Variants in FRMD6 observed in about 807,000 individuals in gnomAD.
FRMD6 encodes the protein FERM domain-containing protein 6.
FRMD6 carries 37 observed loss-of-function variants against 73.2 expected under a neutral mutation model. That is an observed-to-expected ratio of 0.51 (90% confidence interval 0.39 to 0.66). The LOEUF (loss-of-function observed/expected upper bound fraction) is 0.66, where lower values mean the gene tolerates loss of function less well. FRMD6 is among the 30% of genes least tolerant of loss of function. FRMD6 has a pLI of 0.00. For synonymous variants in FRMD6, 273 were observed against 282.2 expected (o/e 0.97, Z 0.33); for missense variants, 714 against 780.5 (o/e 0.91, Z 1.02).
chr14:51,399,780 A>G, the FRMD6 span, among the ~76,000 whole-genome samples: 1 of 152,182 alleles, frequency 6.6e-6, no homozygotes, highest in Non-Finnish European at 1.5e-5. Flanking sequence ...CATAGAATAA[A>G]CTTTAGACCA....
At chr14:51,415,709 G>A in the FRMD6 span, among the ~76,000 whole-genome samples, 1 of 152,048 alleles carries the variant, frequency 6.6e-6, no homozygotes, top group African/African-American at 2.4e-5. Flanking sequence ...TATTGATTGG[G>A]ATAGTTTCAG....
rs1898058294 is a variant in FRMD6, at chr14:51,727,753, T to G, written c.1593T>G (p.Cys531Trp). Reference protein sequence around the residue: ...QSTDSLPQTICRKPKTSTDRH... With the variant: ...QSTDSLPQTIWRKPKTSTDRH... ...CTTCCCTTATCTTGCAGACTATATG[T>G]CGGAAACCAAAGACCTCCACTGATC... The change falls in exon 14 of 14, where the codon TGT becomes TGG. Residue 531 changes from cysteine (C) to tryptophan (W), a missense_variant. Coordinates refer to ENST00000344768, the MANE Select transcript of FRMD6 (RefSeq NM_001267046.2). 1.3e-6 allele frequency: 2 copies of G among 1,598,218 alleles called. No individual in the cohort carries two copies. The highest frequency in any genetic ancestry group is 1.7e-6 in the Non-Finnish European group (2 of 1,166,894).
the FRMD6 span, among the ~76,000 whole-genome samples, chr14:51,480,794 C>G: frequency 3.3e-5 from 5 of 152,116 alleles, no homozygotes; most frequent in Non-Finnish European, 7.4e-5. Context: ...CTACTACATG[C>G]TAGGTGCTTA....
intron 1 of FRMD6, among the ~76,000 whole-genome samples, chr14:51,536,826 A>G (rs1019019212): frequency 6.6e-6 from 1 of 152,226 alleles, no homozygotes; most frequent in Admixed American, 6.5e-5. Flanking sequence ...GTGGAGTGAT[A>G]TGGATAATGG....
intron 1 of FRMD6, among the ~76,000 whole-genome samples, chr14:51,558,950 C>G (rs895661693): frequency 6.6e-6 from 1 of 152,182 alleles, no homozygotes; most frequent in East Asian, 1.9e-4. Context: ...AACCCTATAG[C>G]TTTGCTTTTA....
the FRMD6 span, among the ~76,000 whole-genome samples, chr14:51,399,246 C>G: frequency 6.6e-6 from 1 of 152,178 alleles, no homozygotes; most frequent in African/African-American, 2.4e-5. Flanking sequence ...TCCTCCCCGT[C>G]TATCTTTATG....
chr14:51,494,375 T>C (rs532310174), intron 1 of FRMD6, among the ~76,000 whole-genome samples: 28 of 152,296 alleles, frequency 1.8e-4, no homozygotes, highest in African/African-American at 6.5e-4. Flanking sequence ...AGGCTTAGAA[T>C]GGACATTCCC....
At chr14:51,507,860 G>C (rs903410378) in intron 1 of FRMD6, among the ~76,000 whole-genome samples, 12 of 152,286 alleles carry the variant, frequency 7.9e-5, no homozygotes, top group South Asian at 4.2e-4. Flanking sequence ...AAACCCACAG[G>C]ATGGCTTGAT....
At position 51,708,068 on chromosome 14, in the gene FRMD6, A is replaced by G. The variant is rs201514690; in HGVS notation, c.559-10A>G. 2.5e-6 allele frequency: 4 copies of G among 1,612,714 alleles called. No individual in the cohort carries two copies. The highest frequency in any genetic ancestry group is 3.4e-6 in the Non-Finnish European group (4 of 1,179,112). ...AAATGTTGCATTGCACACCCCTTGTATCCCAACAGGTTGTTTCCAAGAGGG... is the reference window on the plus strand; with the variant it reads ...AAATGTTGCATTGCACACCCCTTGTGTCCCAACAGGTTGTTTCCAAGAGGG... On this transcript the variant is annotated splice_polypyrimidine_tract_variant and intron_variant, in intron 6 of 13. Coordinates refer to ENST00000344768, the MANE Select transcript of FRMD6 (RefSeq NM_001267046.2).
At chr14:51,468,845 G>A in the FRMD6 span, among the ~76,000 whole-genome samples, 2 of 152,164 alleles carry the variant, frequency 1.3e-5, no homozygotes, top group East Asian at 3.9e-4. Flanking sequence ...TAAATTTTGC[G>A]AATGCTTTTT....
the FRMD6 span, among the ~76,000 whole-genome samples, chr14:51,418,459 C>G: frequency 6.6e-6 from 1 of 152,150 alleles, no homozygotes; most frequent in Non-Finnish European, 1.5e-5. Context: ...TACTCCAGAC[C>G]CTATTTGCCT....
chr14:51,657,833 A>G (rs1892945003), intron 1 of FRMD6, among the ~76,000 whole-genome samples: 1 of 152,232 alleles, frequency 6.6e-6, no homozygotes, highest in South Asian at 2.1e-4. Context: ...ACTAGATATC[A>G]CCAGATTTCA....
At chr14:51,504,992 C>T (rs779264804) in intron 1 of FRMD6, among the ~76,000 whole-genome samples, 4 of 152,178 alleles carry the variant, frequency 2.6e-5, no homozygotes, top group Non-Finnish European at 5.9e-5. Flanking sequence ...ACATCTGGCC[C>T]TTGGGAAAGA....
chr14:51,676,470 A>G (rs776072307), intron 1 of FRMD6, among the ~76,000 whole-genome samples: 105 of 152,200 alleles, frequency 6.9e-4, no homozygotes, highest in Non-Finnish European at 1.3e-3. Context: ...TATGTGGTAC[A>G]TGGTGGTTAC....
chr14:51,403,966 A>C, the FRMD6 span, among the ~76,000 whole-genome samples: 2 of 152,292 alleles, frequency 1.3e-5, no homozygotes, highest in African/African-American at 4.8e-5. Flanking sequence ...TGAATCTCCA[A>C]ATTTATTAGA....
At chr14:51,497,069 G>A (rs1045373642) in intron 1 of FRMD6, among the ~76,000 whole-genome samples, 7 of 152,122 alleles carry the variant, frequency 4.6e-5, no homozygotes, top group Non-Finnish European at 8.8e-5. Context: ...TCAAAAAGGA[G>A]GGTAATGGAG....
chr14:51,594,310 A>ATT (rs758106854), intron 2 of FRMD6, among the ~76,000 whole-genome samples: 15 of 65,458 alleles, frequency 2.3e-4, no homozygotes, highest in African/African-American at 5.5e-4. Context: ...TTTTATTTTT[A>ATT]TTTATTTATT....
chr14:51,416,074 T>C, the FRMD6 span, among the ~76,000 whole-genome samples: 1 of 152,244 alleles, frequency 6.6e-6, no homozygotes, highest in Non-Finnish European at 1.5e-5. Context: ...TAGTAATCTA[T>C]CAATTTTGTT....
chr14:51,607,535 A>C (rs114665729), intron 2 of FRMD6, among the ~76,000 whole-genome samples: 2,049 of 152,308 alleles, frequency 0.013, 39 homozygotes, highest in African/African-American at 0.047. Context: ...CATGATTGCC[A>C]TGTAAGTAAT....
Sources: allele counts gnomAD v4.1 joint callset (sites outside exome capture counted in the v4.1 genomes callset), GRCh38; gene constraint gnomAD v4.1.1; transcripts MANE v1.5; gene names NCBI Gene and HGNC (gene_info 2026-07-23, HGNC 2026-07-21).